Variants in TCF7L2 observed in about 807,000 individuals in gnomAD.
TCF7L2 encodes transcription factor 7 like 2.
TCF7L2 carries 23 observed loss-of-function variants against 77.9 expected under a neutral mutation model. The ratio of observed to expected loss-of-function variants is 0.30; its 90% confidence interval spans 0.21 to 0.42. The LOEUF is 0.42. Among genes scored for constraint, TCF7L2 ranks in the 10% least tolerant of loss-of-function variants. The pLI is 1.00. For synonymous variants in TCF7L2, 413 were observed against 340.2 expected (o/e 1.21, Z -2.36); for missense variants, 654 against 793.1 (o/e 0.82, Z 2.11).
intron 5 of TCF7L2, among the ~76,000 whole-genome samples, chr10:113,051,635 A>G (rs1463068990): frequency 2.6e-5 from 4 of 152,228 alleles, no homozygotes; most frequent in Admixed American, 2.0e-4. Context: ...AAGGAGACTT[A>G]TTATACACAA....
chr10:112,951,069 C>A, intron 1 of TCF7L2, 124 bp downstream of exon 1: 1 of 1,351,872 alleles, frequency 7.4e-7, no homozygotes, highest in Non-Finnish European at 1.0e-6. Flanking sequence ...CGTGTGCGTA[C>A]GGTGCCACCA....
At chr10:113,040,722 T>C (rs2052299435) in intron 5 of TCF7L2, among the ~76,000 whole-genome samples, 1 of 152,248 alleles carries the variant, frequency 6.6e-6, no homozygotes, top group Admixed American at 6.5e-5. Flanking sequence ...CATTTGTTTT[T>C]AGTACTAAGA....
intron 4 of TCF7L2, among the ~76,000 whole-genome samples, chr10:113,024,807 A>G (rs2048861023): frequency 1.3e-5 from 2 of 151,982 alleles, no homozygotes; most frequent in South Asian, 4.1e-4. Flanking sequence ...TTTAGTAGAG[A>G]TGAGGTTTCA....
At chr10:112,963,593 A>G (rs1273393115) in intron 3 of TCF7L2, among the ~76,000 whole-genome samples, 2 of 152,254 alleles carry the variant, frequency 1.3e-5, no homozygotes, top group Admixed American at 1.3e-4. Context: ...GCATTTTCAG[A>G]TAATTGTTGA....
At chr10:113,114,539 A>G (rs1161339625) in intron 5 of TCF7L2, among the ~76,000 whole-genome samples, 1 of 152,126 alleles carries the variant, frequency 6.6e-6, no homozygotes, top group East Asian at 1.9e-4. Flanking sequence ...GAGTTTTGTC[A>G]TTTCTAATGA....
At chr10:113,139,460 T>G (rs1445988102) in intron 5 of TCF7L2, among the ~76,000 whole-genome samples, 1 of 152,220 alleles carries the variant, frequency 6.6e-6, no homozygotes, top group African/African-American at 2.4e-5. Context: ...CCTTCATGGC[T>G]GCCCCTTTTA....
At chr10:113,109,557 A>G (rs1478836680) in intron 5 of TCF7L2, among the ~76,000 whole-genome samples, 3 of 151,946 alleles carry the variant, frequency 2.0e-5, no homozygotes, top group African/African-American at 4.8e-5. Flanking sequence ...CGCCCAGCTA[A>G]TTTTTGTGTT....
Position 113,073,129 on chromosome 10 carries a change from T to TGTGTGTGAGAGAGA in TCF7L2, c.552+33004_552+33005insTGTGTGAGAGAGAG, listed in dbSNP as rs56927661. Among the ~76,000 whole-genome samples, 344 of 123,552 alleles carry TGTGTGTGAGAGAGA rather than the reference T, an allele frequency of 2.8e-3. 1 individual carries two copies. Among genetic ancestry groups the TGTGTGTGAGAGAGA allele is most frequent in the African/African-American group, 9.6e-3 (314 of 32,690 alleles). The allele number at this position is 123,552 out of a possible 152,430, so 81.1% of individuals were successfully genotyped here. On this transcript the variant is annotated intron_variant, in intron 5 of 13. Coordinates refer to ENST00000627217, the MANE Select transcript of TCF7L2 (RefSeq NM_001146274.2). ...GTGTGTGTGTGTGTGTGTGTGTGTG[T>TGTGTGTGAGAGAGA]GAGAGAGAGAGAGAGAGAGAGACAG...
chr10:113,020,618 A>G (rs1348771509), intron 4 of TCF7L2, among the ~76,000 whole-genome samples: 1 of 152,198 alleles, frequency 6.6e-6, no homozygotes, highest in Non-Finnish European at 1.5e-5. Context: ...TGTAATAATA[A>G]TAACTTGTGT....
At chr10:113,077,668 G>A (rs2058838986) in intron 5 of TCF7L2, among the ~76,000 whole-genome samples, 1 of 149,390 alleles carries the variant, frequency 6.7e-6, no homozygotes, top group South Asian at 2.1e-4. Context: ...GTTGCTGCAT[G>A]TATCAGGACA....
At chr10:112,974,959 T>C (rs1033718172) in intron 4 of TCF7L2, among the ~76,000 whole-genome samples, 14 of 146,700 alleles carry the variant, frequency 9.5e-5, no homozygotes, top group African/African-American at 3.6e-4. Flanking sequence ...AACAGATAAG[T>C]GGTTGCTTCT....
chr10:113,000,154 G>A (rs1446783849), intron 4 of TCF7L2, among the ~76,000 whole-genome samples: 4 of 152,170 alleles, frequency 2.6e-5, no homozygotes, highest in Non-Finnish European at 5.9e-5. Context: ...AATGCAACCT[G>A]GGAAATGAGG....
At chr10:112,964,787 G>GTGGTGA (rs1564719168) in intron 4 of TCF7L2, among the ~76,000 whole-genome samples, 163 bp downstream of exon 4, 1 of 143,384 alleles carries the variant, frequency 7.0e-6, no homozygotes. Context: ...GATGGTGGTG[G>GTGGTGA]TGGTGATGGT....
At chr10:113,054,885 A>G (rs1259407050) in intron 5 of TCF7L2, among the ~76,000 whole-genome samples, 4 of 150,924 alleles carry the variant, frequency 2.7e-5, no homozygotes, top group Non-Finnish European at 5.9e-5. Context: ...TTTATTTTGC[A>G]GCATGCTTTT....
intron 5 of TCF7L2, among the ~76,000 whole-genome samples, chr10:113,077,431 T>C (rs927176666): frequency 3.3e-5 from 5 of 152,162 alleles, no homozygotes; most frequent in African/African-American, 9.7e-5. Context: ...AATATCGCCA[T>C]TGTAGAACAT....
intron 4 of TCF7L2, among the ~76,000 whole-genome samples, chr10:113,013,763 CT>C (rs2046856336): frequency 6.6e-6 from 1 of 152,204 alleles, no homozygotes; most frequent in African/African-American, 2.4e-5. Flanking sequence ...CTACGGACCA[CT>C]GGATCCATTT....
At chr10:113,045,818 A>C (rs555493160) in intron 5 of TCF7L2, among the ~76,000 whole-genome samples, 1 of 152,290 alleles carries the variant, frequency 6.6e-6, no homozygotes, top group South Asian at 2.1e-4. Flanking sequence ...GACTCTCTAA[A>C]AGAGTTGACT....
At chr10:113,068,739 C>G (rs907550259) in intron 5 of TCF7L2, among the ~76,000 whole-genome samples, 1 of 152,100 alleles carries the variant, frequency 6.6e-6, no homozygotes, top group Admixed American at 6.5e-5. Context: ...GCTCTCTCTT[C>G]TGGAAGCTCG....
chr10:113,137,267 T>C (rs1439625037), intron 5 of TCF7L2, among the ~76,000 whole-genome samples: 1 of 152,194 alleles, frequency 6.6e-6, no homozygotes, highest in East Asian at 1.9e-4. Flanking sequence ...GCTCCGTGAA[T>C]TAAATCAGAA....
Sources: allele counts gnomAD v4.1 joint callset (sites outside exome capture counted in the v4.1 genomes callset), GRCh38; gene constraint gnomAD v4.1.1; transcripts MANE v1.5; gene names NCBI Gene and HGNC (gene_info 2026-07-23, HGNC 2026-07-21).